SLC9C1: variants seen among roughly 807,000 people sequenced by gnomAD.
The protein encoded by SLC9C1 is sodium/hydrogen exchanger 10.
In SLC9C1, 97 loss-of-function variants were observed where a neutral mutation model predicts 140.9. The ratio of observed to expected loss-of-function variants is 0.69; its 90% CI spans 0.58 to 0.82. SLC9C1 has a LOEUF of 0.82. Ranked by LOEUF, SLC9C1 falls within the 40% of genes least tolerant of loss-of-function variation. The pLI is 0.00. For missense variants in SLC9C1, 1,340 were observed against 1,389.3 expected (o/e 0.96, Z 0.56); for synonymous variants, 440 against 442.6 (o/e 0.99, Z 0.07).
chr3:112,165,603 A>G (rs749216570), intron 26 of SLC9C1, among the ~76,000 whole-genome samples: 2 of 152,158 alleles, frequency 1.3e-5, no homozygotes, highest in Non-Finnish European at 2.9e-5. Flanking sequence ...TGAACAGCAA[A>G]TGTTGCTACC....
At chr3:112,217,623 A>C (rs540759951) in intron 14 of SLC9C1, 62 bp from the exon 15 acceptor site, 1 of 1,439,554 alleles carries the variant, frequency 6.9e-7, no homozygotes, top group Non-Finnish European at 9.3e-7. Flanking sequence ...TTAATGTTGT[A>C]CTGGAAGTTT....
chr3:112,265,245 A>G (rs1196406104), intron 8 of SLC9C1, among the ~76,000 whole-genome samples: 1 of 152,072 alleles, frequency 6.6e-6, no homozygotes, highest in Non-Finnish European at 1.5e-5. Context: ...AGGAATGAAG[A>G]ATAAAGATAA....
intron 25 of SLC9C1, among the ~76,000 whole-genome samples, chr3:112,167,643 CAGAA>C (rs912517484): frequency 2.6e-5 from 4 of 151,840 alleles, no homozygotes; most frequent in Non-Finnish European, 4.4e-5. Flanking sequence ...TTCCACATGG[CAGAA>C]AGAAAGTTTA....
At chr3:112,284,985 C>CTTTTTTTTTTTTT (rs61428176) in intron 2 of SLC9C1, among the ~76,000 whole-genome samples, 2 of 103,864 alleles carry the variant, frequency 1.9e-5, no homozygotes, top group African/African-American at 7.5e-5. Flanking sequence ...TACAATTTTT[C>CTTTTTTTTTTTTT]TTTTTTTTTT....
At chr3:112,261,714 A>G (rs1349133869) in intron 10 of SLC9C1, among the ~76,000 whole-genome samples, 1 of 152,084 alleles carries the variant, frequency 6.6e-6, no homozygotes, top group African/African-American at 2.4e-5. Context: ...ACACTACGGC[A>G]AAGTATATCA....
intron 26 of SLC9C1, among the ~76,000 whole-genome samples, chr3:112,161,579 G>A (rs2075300645): frequency 6.6e-6 from 1 of 152,088 alleles, no homozygotes; most frequent in African/African-American, 2.4e-5. Flanking sequence ...TCAGATAGTT[G>A]TAGATATGTG....
At chr3:112,288,475 T>C (rs892241416) in intron 1 of SLC9C1, among the ~76,000 whole-genome samples, 1 of 152,216 alleles carries the variant, frequency 6.6e-6, no homozygotes, top group Non-Finnish European at 1.5e-5. Context: ...GTGCATACTC[T>C]GGCTGGCATA....
At chr3:112,243,552 T>C (rs1440156679) in intron 11 of SLC9C1, among the ~76,000 whole-genome samples, 1 of 152,176 alleles carries the variant, frequency 6.6e-6, no homozygotes, top group African/African-American at 2.4e-5. Context: ...TTGGGTACTG[T>C]GGTCACTACC....
intron 23 of SLC9C1, among the ~76,000 whole-genome samples, chr3:112,177,497 A>G (rs1338366091): frequency 6.7e-6 from 1 of 149,506 alleles, no homozygotes; most frequent in African/African-American, 2.5e-5. Flanking sequence ...AGCTTCCACA[A>G]CTTCTGATGT....
chr3:112,288,009 C>T (rs961792464), intron 1 of SLC9C1, among the ~76,000 whole-genome samples: 40 of 128,446 alleles, frequency 3.1e-4, no homozygotes, highest in Admixed American at 8.4e-4. Flanking sequence ...TGCCACTGCA[C>T]TCCAGCTTGG....
intron 2 of SLC9C1, among the ~76,000 whole-genome samples, chr3:112,284,434 G>A (rs1191124668): frequency 6.6e-6 from 1 of 152,158 alleles, no homozygotes; most frequent in East Asian, 1.9e-4. Flanking sequence ...AGTAAAAGCT[G>A]GGTTCATCAT....
intron 10 of SLC9C1, among the ~76,000 whole-genome samples, chr3:112,248,471 T>C (rs938510809): frequency 3.3e-5 from 5 of 152,352 alleles, no homozygotes; most frequent in Admixed American, 2.0e-4. Context: ...TATTTCATTA[T>C]TTTTGTTACT....
At chr3:112,170,467 G>A (rs903098732) in intron 23 of SLC9C1, among the ~76,000 whole-genome samples, 3 of 151,874 alleles carry the variant, frequency 2.0e-5, no homozygotes, top group Non-Finnish European at 4.4e-5. Flanking sequence ...ATTTTTAATT[G>A]TATTATTTAT....
chr3:112,181,015 C>G (rs967852469), intron 21 of SLC9C1, among the ~76,000 whole-genome samples: 1 of 152,150 alleles, frequency 6.6e-6, no homozygotes, highest in African/African-American at 2.4e-5. Context: ...CTTGGCCTTC[C>G]AAAGTGCTTG....
intron 7 of SLC9C1, 24 bp from the exon 8 acceptor site, chr3:112,266,364 TA>T: frequency 6.6e-7 from 1 of 1,518,680 alleles, no homozygotes; most frequent in Non-Finnish European, 9.0e-7. Flanking sequence ...GAAATAAATA[TA>T]AAGTATTAAT....
At chr3:112,165,710 G>A (rs1055367986) in intron 26 of SLC9C1, among the ~76,000 whole-genome samples, 5 of 152,130 alleles carry the variant, frequency 3.3e-5, no homozygotes, top group Admixed American at 1.3e-4. Flanking sequence ...TAGGCTACTC[G>A]GGGGTCAGGG....
chr3:112,289,943 A>C (rs1240148539), intron 1 of SLC9C1, among the ~76,000 whole-genome samples: 1 of 152,134 alleles, frequency 6.6e-6, no homozygotes, highest in Non-Finnish European at 1.5e-5. Flanking sequence ...CCACCCTCCA[A>C]GGTTAATTTA....
intron 13 of SLC9C1, among the ~76,000 whole-genome samples, chr3:112,228,664 A>G (rs2078743043): frequency 6.6e-6 from 1 of 152,168 alleles, no homozygotes; most frequent in African/African-American, 2.4e-5. Flanking sequence ...AGAATAGACA[A>G]AGAACTCAAA....
At chr3:112,172,465 T>C (rs934181330) in intron 23 of SLC9C1, among the ~76,000 whole-genome samples, 3 of 152,162 alleles carry the variant, frequency 2.0e-5, no homozygotes, top group Non-Finnish European at 2.9e-5. Context: ...TGGTAGAATC[T>C]TACAAATGTA....
Sources: gnomAD v4.1 joint callset for allele counts (sites outside exome capture counted in the v4.1 genomes callset) on GRCh38, gnomAD v4.1.1 for gene constraint, MANE v1.5 for transcripts, NCBI Gene and HGNC (gene_info 2026-07-23, HGNC 2026-07-21) for gene names.